LRP1B: variants seen among roughly 807,000 people sequenced by gnomAD.
LRP1B encodes the protein LDL receptor related protein 1B, also known as low-density lipoprotein receptor-related protein 1B.
Under a neutral mutation model 556.6 loss-of-function variants are expected in LRP1B, and 217 were observed. The ratio of observed to expected loss-of-function variants is 0.39; its 90% CI spans 0.35 to 0.44. The LOEUF is 0.44. Ranked by LOEUF, LRP1B falls within the 20% of genes least tolerant of loss-of-function variation. The pLI is 1.00. For missense variants in LRP1B, 5,053 were observed against 5,620.8 expected (o/e 0.90, Z 3.23); for synonymous variants, 2,047 against 1,865.8 (o/e 1.10, Z -2.50).
intron 1 of LRP1B, among the ~76,000 whole-genome samples, chr2:141,821,324 T>A (rs1007777480): frequency 1.3e-5 from 2 of 152,208 alleles, no homozygotes; most frequent in African/African-American, 4.8e-5. Context: ...GTAAGCCTCA[T>A]CTAATGAGTA....
chr2:140,705,545 A>C (rs917073384), intron 37 of LRP1B, among the ~76,000 whole-genome samples: 8 of 138,292 alleles, frequency 5.8e-5, no homozygotes, highest in African/African-American at 1.5e-4. Context: ...AAAAAAAAAA[A>C]AAAAAAAAAA....
At chr2:141,884,462 A>G (rs1445680427) in intron 1 of LRP1B, among the ~76,000 whole-genome samples, 1 of 152,162 alleles carries the variant, frequency 6.6e-6, no homozygotes, top group Non-Finnish European at 1.5e-5. Flanking sequence ...CCATGATAGG[A>G]CATATTAGGA....
chr2:140,743,140 A>G (rs1028555661), intron 35 of LRP1B, among the ~76,000 whole-genome samples: 1 of 152,194 alleles, frequency 6.6e-6, no homozygotes, highest in Non-Finnish European at 1.5e-5. Context: ...AAACTAATGA[A>G]CAAATTCCTA....
intron 6 of LRP1B, among the ~76,000 whole-genome samples, chr2:141,192,041 A>C (rs912702273): frequency 2.0e-5 from 3 of 151,976 alleles, no homozygotes; most frequent in Admixed American, 1.3e-4. Flanking sequence ...CCAGTCATGC[A>C]ACTTTGAAGC....
chr2:142,013,548 A>G (rs1357536579), intron 1 of LRP1B, among the ~76,000 whole-genome samples: 1 of 152,118 alleles, frequency 6.6e-6, no homozygotes, highest in African/African-American at 2.4e-5. Context: ...TACACATGTA[A>G]TATATCTATT....
intron 2 of LRP1B, among the ~76,000 whole-genome samples, chr2:141,539,549 C>T (rs551850739): frequency 2.0e-5 from 3 of 152,116 alleles, no homozygotes; most frequent in Admixed American, 6.6e-5. Flanking sequence ...TTTTTAAATC[C>T]AAGCCTATCA....
At chr2:140,865,804 C>A (rs1395588858) in intron 27 of LRP1B, among the ~76,000 whole-genome samples, 2 of 152,032 alleles carry the variant, frequency 1.3e-5, no homozygotes, top group Non-Finnish European at 2.9e-5. Context: ...GAGGAAAAAT[C>A]ATATATAAAT....
chr2:141,343,218 T>G lies in LRP1B; in HGVS notation c.344-88577A>C, dbSNP rs764454744. 7.2e-4 allele frequency among the ~76,000 whole-genome samples: 110 copies of G among 152,222 alleles called. 1 individual carries two copies. Among genetic ancestry groups the G allele is most frequent in the Non-Finnish European group, 1.4e-3 (94 of 68,034 alleles). ...TGTAGTGGAGTTTTCATTTCAGCAT[T>G]GTAGTTTTCATCACTAGAAGTTCTA... On this transcript the variant is annotated intron_variant, in intron 3 of 90. Coordinates refer to ENST00000389484, the MANE Select transcript of LRP1B (RefSeq NM_018557.3).
intron 1 of LRP1B, among the ~76,000 whole-genome samples, chr2:141,990,686 A>G (rs544070931): frequency 2.3e-4 from 35 of 152,180 alleles, no homozygotes; most frequent in African/African-American, 8.4e-4. Flanking sequence ...CAACAAATAA[A>G]AAAGCCATGA....
chr2:141,690,398 T>TAAATAAATAAAC (rs3039235), intron 2 of LRP1B, among the ~76,000 whole-genome samples: 1 of 28,160 alleles, frequency 3.6e-5, no homozygotes, highest in Non-Finnish European at 7.6e-5. Flanking sequence ...CATCTATAAA[T>TAAATAAATAAAC]ATATATATAT....
At position 140,781,973 on chromosome 2, in the gene LRP1B, T is replaced by C. The variant is rs145631774; in HGVS notation, c.5360-5735A>G. On this transcript the variant is annotated intron_variant, in intron 32 of 90. Transcript: ENST00000389484. ...TCCTGTCTTGTAATTCTTTATATTCTTCACAATGTTTTGCATTCTTTTGAA... is the reference window on the plus strand; with the variant it reads ...TCCTGTCTTGTAATTCTTTATATTCCTCACAATGTTTTGCATTCTTTTGAA... Among the ~76,000 whole-genome samples the C allele has an allele frequency of 2.2e-3, 340 of 152,352 alleles. 5 individuals carry two copies. The highest frequency in any genetic ancestry group is 5.6e-3 in the East Asian group (29 of 5,190).
At chr2:140,600,767 G>GTTTTTTTTTT (rs61336155) in intron 42 of LRP1B, among the ~76,000 whole-genome samples, 1,068 of 56,566 alleles carry the variant, frequency 0.019, 72 homozygotes, top group East Asian at 0.027. Flanking sequence ...GTTCTTCGGG[G>GTTTTTTTTTT]TTTTTTTTTT....
chr2:140,630,558 A>G (rs1057328133), intron 41 of LRP1B, among the ~76,000 whole-genome samples: 21 of 152,204 alleles, frequency 1.4e-4, no homozygotes, highest in Non-Finnish European at 2.9e-4. Context: ...GATGGACAGT[A>G]GACTTTAGTA....
chr2:141,603,717 C>T (rs1687827083), intron 2 of LRP1B, among the ~76,000 whole-genome samples: 1 of 151,982 alleles, frequency 6.6e-6, no homozygotes, highest in African/African-American at 2.4e-5. Context: ...TCTTTAAGTC[C>T]GTAATTGTGT....
chr2:141,932,048 G>A (rs994547054), intron 1 of LRP1B, among the ~76,000 whole-genome samples: 1 of 152,050 alleles, frequency 6.6e-6, no homozygotes, highest in Non-Finnish European at 1.5e-5. Flanking sequence ...AGGTGGACTA[G>A]ATTAGGAAGA....
chr2:140,903,638 T>A (rs2105224784), intron 22 of LRP1B, among the ~76,000 whole-genome samples: 1 of 152,210 alleles, frequency 6.6e-6, no homozygotes, highest in East Asian at 1.9e-4. Context: ...TCTATATATC[T>A]TTTGCAACAC....
intron 3 of LRP1B, among the ~76,000 whole-genome samples, chr2:141,415,743 T>TA (rs759003469): frequency 2.0e-4 from 30 of 148,608 alleles, no homozygotes; most frequent in African/African-American, 6.8e-4. Context: ...TCTTTTTTTT[T>TA]AAATATTACT....
At chr2:141,042,675 G>A (rs2105434503) in intron 11 of LRP1B, among the ~76,000 whole-genome samples, 1 of 152,158 alleles carries the variant, frequency 6.6e-6, no homozygotes, top group Non-Finnish European at 1.5e-5. Context: ...TGACCTCGGG[G>A]AGCTGTTGAG....
chr2:140,297,532 A>C (rs1683658463), intron 84 of LRP1B, among the ~76,000 whole-genome samples: 1 of 152,142 alleles, frequency 6.6e-6, no homozygotes, highest in Non-Finnish European at 1.5e-5. Flanking sequence ...TTTGCTAAGA[A>C]GTGCAAAAGA....
Sources: gnomAD v4.1 joint callset for allele counts (sites outside exome capture counted in the v4.1 genomes callset) on GRCh38, gnomAD v4.1.1 for gene constraint, MANE v1.5 for transcripts, NCBI Gene and HGNC (gene_info 2026-07-23, HGNC 2026-07-21) for gene names.